The following FOXO1 variants were observed in gnomAD, a reference collection of about 807,000 sequenced individuals.
FOXO1 encodes the protein forkhead box protein O1.
Under a neutral mutation model 44.1 loss-of-function variants are expected in FOXO1, and 6 were observed. The ratio of observed to expected loss-of-function variants is 0.14; its 90% CI spans 0.07 to 0.27. The LOEUF is 0.27. FOXO1 is among the 10% of genes least tolerant of loss of function. The pLI, the probability that FOXO1 is intolerant of heterozygous loss-of-function variation, is 1.00. For synonymous variants in FOXO1, 380 were observed against 362.7 expected, an observed-to-expected ratio of 1.05 and a Z score of -0.54; for missense variants, 737 against 888.8, an observed-to-expected ratio of 0.83 and a Z score of 2.17.
chr13:40,598,813 T>C (rs1188249137), intron 1 of FOXO1, among the ~76,000 whole-genome samples: 1 of 152,196 alleles, frequency 6.6e-6, no homozygotes, highest in Non-Finnish European at 1.5e-5. Context: ...ACTGACAAGA[T>C]CCCCAGGTGA....
chr13:40,622,621 C>G (rs1876653927), intron 1 of FOXO1, among the ~76,000 whole-genome samples: 1 of 152,146 alleles, frequency 6.6e-6, no homozygotes, highest in African/African-American at 2.4e-5. Context: ...CTCCTGCCTG[C>G]TTGACATAAT....
At chr13:40,619,548 T>C in intron 1 of FOXO1, 2 of 1,394,862 alleles carry the variant, frequency 1.4e-6, no homozygotes, top group Non-Finnish European at 2.0e-6. Flanking sequence ...TTCATGGAGA[T>C]TATACAAACA....
chr13:40,559,853 C>T lies in FOXO1; in HGVS notation c.1638G>A (p.Met546Ile). ...GGCGGTTCATACCCGAGGTGTGGGG[C>T]ATGGTGCTTACCGTGTGGGGCAGGG... ...GRPLPHTVST[M>I]PHTSGMNRLT... The change falls in exon 2 of 3, where the codon ATG (methionine) becomes ATA (isoleucine). Residue 546 changes from methionine to isoleucine, a missense_variant. Met to Ile is a conservative substitution (Grantham distance 10). Transcript: ENST00000379561. 6.2e-7 allele frequency: 1 copy of T among 1,614,046 alleles called. No individual in the cohort carries two copies. The highest frequency in any genetic ancestry group is 2.2e-5 in the East Asian group (1 of 44,888).
chr13:40,621,428 T>C (rs1876612937), intron 1 of FOXO1: 1 of 244,862 alleles, frequency 4.1e-6, no homozygotes, highest in East Asian at 1.1e-4. Flanking sequence ...TTACTTGTGA[T>C]GAGCTAACTA....
chr13:40,598,595 AC>A (rs1875685998), intron 1 of FOXO1, among the ~76,000 whole-genome samples: 1 of 152,182 alleles, frequency 6.6e-6, no homozygotes, highest in South Asian at 2.1e-4. Flanking sequence ...TATGTGGTTC[AC>A]AAGGTCACTA....
chr13:40,631,898 T>C (rs962589932), intron 1 of FOXO1, among the ~76,000 whole-genome samples: 21 of 152,164 alleles, frequency 1.4e-4, no homozygotes, highest in African/African-American at 3.9e-4. Context: ...GAACAGTACG[T>C]TTTAAAACGG....
rs1414608840 is a variant in FOXO1, at chr13:40,557,344, A to C, written c.*1705T>G. On this transcript the variant is annotated 3_prime_UTR_variant, in exon 3 of 3. Transcript: ENST00000379561. Reference sequence around the variant, plus strand: ...TTAATTTGGTCTGTCAGTTACAGGTAATTGGAAAGTAATAAAACATAATGA... The same window carrying C: ...TTAATTTGGTCTGTCAGTTACAGGTCATTGGAAAGTAATAAAACATAATGA... The C allele has an allele frequency of 6.6e-6, 1 of 152,224 alleles. No homozygotes were observed. The highest frequency in any genetic ancestry group is 1.5e-5 in the Non-Finnish European group (1 of 68,038). 9.4% of individuals were successfully genotyped at this position (152,224 alleles called of 1,614,324 possible). A position where few individuals can be genotyped will look rare whatever the true frequency, so the allele number is the denominator to read the frequency against.
At chr13:40,647,975 C>T (rs55920113) in intron 1 of FOXO1, among the ~76,000 whole-genome samples, 62,899 of 151,966 alleles carry the variant, frequency 0.41, 14,262 homozygotes, top group East Asian at 0.73. Flanking sequence ...TTTGTCTTTT[C>T]CCCTTTATCT....
chr13:40,618,278 G>C (rs937627115), intron 1 of FOXO1, among the ~76,000 whole-genome samples: 4 of 152,042 alleles, frequency 2.6e-5, no homozygotes, highest in Non-Finnish European at 5.9e-5. Flanking sequence ...ATGTTGCCCA[G>C]GATGGTTTCA....
At position 40,557,872 on chromosome 13, in the gene FOXO1, A is replaced by G. The variant is rs972135607; in HGVS notation, c.*1177T>C. 4 of 152,248 alleles carry G rather than the reference A, an allele frequency of 2.6e-5. No individual in the cohort carries two copies. The highest frequency in any genetic ancestry group is 5.9e-5 in the Non-Finnish European group (4 of 68,042). 9.4% of individuals were successfully genotyped at this position (152,248 alleles called of 1,614,324 possible). ...CTCCCAGGACTACAGAGGTCTCTAG[A>G]GAAGACTTGATGCTATGCAGTACGC... is the stretch of plus-strand genomic sequence containing the variant. On this transcript the variant is annotated 3_prime_UTR_variant, in exon 3 of 3. Transcript: ENST00000379561.
At position 40,620,154 on chromosome 13, in the gene FOXO1, A is replaced by T. The variant is rs74490585; in HGVS notation, c.630+45429T>A. ...CATTCTCTAATTCAAGACTTATGTC[A>T]AGAATAACAGTAGAAGAAGAATCCA... On this transcript the variant is annotated intron_variant, in intron 1 of 2. Transcript: ENST00000379561. The T allele has an allele frequency of 9.7e-4, 1,414 of 1,461,678 alleles. 19 individuals carry two copies. In the East Asian group the frequency reaches 0.014, roughly 15 times the overall value. 90.5% of individuals were successfully genotyped at this position (1,461,678 alleles called of 1,614,324 possible). A position where few individuals can be genotyped will look rare whatever the true frequency, so the allele number is the denominator to read the frequency against.
At chr13:40,608,978 C>A (rs1362209003) in intron 1 of FOXO1, among the ~76,000 whole-genome samples, 1 of 152,134 alleles carries the variant, frequency 6.6e-6, no homozygotes, top group Non-Finnish European at 1.5e-5. Context: ...TGTTTTAAAA[C>A]CTTCAGCTGA....
chr13:40,594,957 G>C (rs1447323094), intron 1 of FOXO1, among the ~76,000 whole-genome samples: 1 of 152,158 alleles, frequency 6.6e-6, no homozygotes, highest in Non-Finnish European at 1.5e-5. Context: ...AAAGTGCTGA[G>C]ATTATAGGTA....
At chr13:40,633,995 T>C (rs529236738) in intron 1 of FOXO1, among the ~76,000 whole-genome samples, 1 of 152,324 alleles carries the variant, frequency 6.6e-6, no homozygotes, top group African/African-American at 2.4e-5. Flanking sequence ...TTACTGTACC[T>C]AGTAAAGCAC....
intron 1 of FOXO1, among the ~76,000 whole-genome samples, chr13:40,649,464 T>A (rs755311619): frequency 1.3e-5 from 2 of 152,118 alleles, no homozygotes; most frequent in Non-Finnish European, 2.9e-5. Flanking sequence ...CCTTTTCCCT[T>A]CTTGCCATAA....
At chr13:40,629,955 G>C (rs1198455300) in intron 1 of FOXO1, among the ~76,000 whole-genome samples, 2 of 152,182 alleles carry the variant, frequency 1.3e-5, no homozygotes, top group Non-Finnish European at 2.9e-5. Context: ...AAGTAGCCTG[G>C]TTTGGGCTTT....
At chr13:40,580,702 A>T (rs1874923336) in intron 1 of FOXO1, among the ~76,000 whole-genome samples, 1 of 152,162 alleles carries the variant, frequency 6.6e-6, no homozygotes, top group Non-Finnish European at 1.5e-5. Context: ...CATTCAAAGA[A>T]AACCCAGTGC....
intron 1 of FOXO1, among the ~76,000 whole-genome samples, chr13:40,654,124 T>C (rs1566086225): frequency 6.6e-6 from 1 of 151,722 alleles, no homozygotes; most frequent in Non-Finnish European, 1.5e-5. Flanking sequence ...ATGGGGTATA[T>C]CATTAGGACC....
intron 1 of FOXO1, among the ~76,000 whole-genome samples, chr13:40,593,520 T>C (rs1875465992): frequency 6.6e-6 from 1 of 152,198 alleles, no homozygotes; most frequent in Non-Finnish European, 1.5e-5. Flanking sequence ...TTCTTACCAC[T>C]GTAGACTGTG....
Sources: allele counts gnomAD v4.1 joint callset (sites outside exome capture counted in the v4.1 genomes callset), GRCh38; gene constraint gnomAD v4.1.1; transcripts MANE v1.5; gene names NCBI Gene and HGNC (gene_info 2026-07-23, HGNC 2026-07-21).